INPP5A: variants seen among roughly 807,000 people sequenced by gnomAD.
INPP5A encodes inositol polyphosphate-5-phosphatase A, also known as 43 kDa inositol polyphosphate 5-phophatase.
INPP5A carries 14 observed loss-of-function variants against 65.2 expected under a neutral mutation model. The observed-to-expected ratio is 0.21, with a 90% CI of 0.14 to 0.34. The LOEUF is 0.34. Ranked by LOEUF, INPP5A falls within the 10% of genes least tolerant of loss-of-function variation. INPP5A has a pLI of 1.00. For synonymous variants in INPP5A, 207 were observed against 208.3 expected (o/e 0.99, Z 0.05); for missense variants, 431 against 545.6 (o/e 0.79, Z 2.09).
At chr10:132,556,481 C>T (rs1438148385) in intron 1 of INPP5A, among the ~76,000 whole-genome samples, 1 of 152,210 alleles carries the variant, frequency 6.6e-6, no homozygotes, top group African/African-American at 2.4e-5. Flanking sequence ...CACACTTGCA[C>T]ACCACAGGCA....
intron 9 of INPP5A, among the ~76,000 whole-genome samples, chr10:132,740,517 T>C (rs1002697849): frequency 7.2e-5 from 11 of 152,254 alleles, no homozygotes; most frequent in African/African-American, 2.7e-4. Context: ...GAGTCAGTTC[T>C]GTTTTCTAGA....
At chr10:132,718,233 G>A (rs1845781105) in intron 8 of INPP5A, among the ~76,000 whole-genome samples, 4 of 142,558 alleles carry the variant, frequency 2.8e-5, no homozygotes, top group African/African-American at 5.3e-5. Flanking sequence ...GGTTCTGTCT[G>A]GGCACCTTAG....
intron 1 of INPP5A, among the ~76,000 whole-genome samples, chr10:132,568,800 A>T (rs1326769411): frequency 2.0e-5 from 3 of 152,172 alleles, no homozygotes; most frequent in Non-Finnish European, 2.9e-5. Context: ...TTTTTGAGAC[A>T]ATTGAAGCTT....
intron 8 of INPP5A, among the ~76,000 whole-genome samples, chr10:132,712,219 A>G (rs1564977159): frequency 6.6e-6 from 1 of 151,694 alleles, no homozygotes; most frequent in African/African-American, 2.4e-5. Flanking sequence ...GCGTGTGTGC[A>G]TGCCTGAGTG....
intron 8 of INPP5A, among the ~76,000 whole-genome samples, chr10:132,718,808 A>G (rs1263186214): frequency 1.6e-3 from 141 of 89,414 alleles, no homozygotes; most frequent in South Asian, 2.3e-3. Flanking sequence ...CACCTTAGAC[A>G]GCTGTCTTGC....
intron 2 of INPP5A, among the ~76,000 whole-genome samples, chr10:132,641,104 A>G (rs925854972): frequency 9.2e-5 from 14 of 152,220 alleles, no homozygotes; most frequent in African/African-American, 3.4e-4. Context: ...AAATGGCTGT[A>G]TTCTAATTCT....
chr10:132,701,153 G>A (rs532000492), intron 6 of INPP5A, among the ~76,000 whole-genome samples: 3 of 152,332 alleles, frequency 2.0e-5, no homozygotes, highest in African/African-American at 7.2e-5. Context: ...TCTTTTAGTA[G>A]ATGAAACCGG....
intron 1 of INPP5A, among the ~76,000 whole-genome samples, chr10:132,564,103 G>T (rs942875624): frequency 6.6e-6 from 1 of 152,172 alleles, no homozygotes; most frequent in Non-Finnish European, 1.5e-5. Flanking sequence ...TCAGGAGCCT[G>T]CTGCTGCTCC....
chr10:132,730,536 G>C (rs1846065858), intron 9 of INPP5A, among the ~76,000 whole-genome samples: 1 of 152,268 alleles, frequency 6.6e-6, no homozygotes, highest in African/African-American at 2.4e-5. Flanking sequence ...GGTGTAGGAA[G>C]AGCAGCTCCT....
intron 13 of INPP5A, 39 bp from the exon 14 acceptor site, chr10:132,780,810 C>A: frequency 6.3e-7 from 1 of 1,576,562 alleles, no homozygotes; most frequent in South Asian, 1.1e-5. Flanking sequence ...CCAGGGTGCC[C>A]CACCTCCCCA....
At chr10:132,638,211 G>C (rs140763010) in intron 2 of INPP5A, among the ~76,000 whole-genome samples, 146 of 152,162 alleles carry the variant, frequency 9.6e-4, no homozygotes, top group African/African-American at 3.3e-3. Context: ...TTCTTCGTTG[G>C]TAGTGTCTCA....
intron 11 of INPP5A, among the ~76,000 whole-genome samples, chr10:132,763,814 C>T (rs998044263): frequency 9.2e-5 from 14 of 152,324 alleles, no homozygotes; most frequent in South Asian, 8.3e-4. Flanking sequence ...TGCCTGTACA[C>T]GCATAAACAC....
At chr10:132,605,628 A>G (rs1441559603) in intron 1 of INPP5A, among the ~76,000 whole-genome samples, 1 of 151,948 alleles carries the variant, frequency 6.6e-6, no homozygotes, top group Non-Finnish European at 1.5e-5. Flanking sequence ...GGAGCTTCCA[A>G]GCTGGGGTCA....
chr10:132,779,699 C>T (rs1243931737), intron 13 of INPP5A, among the ~76,000 whole-genome samples: 1 of 152,250 alleles, frequency 6.6e-6, no homozygotes, highest in Non-Finnish European at 1.5e-5. Flanking sequence ...CATGGGGCCA[C>T]CCAGTGGGCA....
At chr10:132,725,571 C>G (rs543996528) in intron 8 of INPP5A, among the ~76,000 whole-genome samples, 53 of 152,352 alleles carry the variant, frequency 3.5e-4, no homozygotes, top group African/African-American at 1.1e-3. Context: ...GGTTGGGCCC[C>G]CTGCCTCCCG....
rs1846280329 is a variant in INPP5A, at chr10:132,741,924, AGAAAGGAT to A, written c.733-7591_733-7584del. Among the ~76,000 whole-genome samples the A allele has an allele frequency of 6.6e-6, 1 of 152,194 alleles. No individual in the cohort carries two copies. Among genetic ancestry groups the A allele is most frequent in the Admixed American group, 6.5e-5 (1 of 15,284 alleles). ...TTTCCGAGATGTGGCCGTCCTCTGC[AGAAAGGAT>A]GCATACTTACAGAGAAGGCGCTCAC... On this transcript the variant is annotated intron_variant, in intron 9 of 15. Coordinates refer to ENST00000368594, the MANE Select transcript of INPP5A (RefSeq NM_005539.5). This position sits in a 1 kb window ranked among gnomAD's most constrained non-coding sequence, Gnocchi z 4.4.
rs11146414 is a variant in INPP5A at position 132,538,238 on chromosome 10, A to G, written c.75+67A>G. The G allele has an allele frequency of 0.1, 97,871 of 963,972 alleles. 5,210 individuals carry two copies. Among genetic ancestry groups the G allele is most frequent in the Non-Finnish European group, 0.11 (81,365 of 747,582 alleles). The allele number at this position is 963,972 out of a possible 1,614,324, so 59.7% of individuals were successfully genotyped here. On this transcript the variant is annotated intron_variant, in intron 1 of 15. Coordinates refer to ENST00000368594, the MANE Select transcript of INPP5A (RefSeq NM_005539.5). The surrounding 1 kb of genome is among the most constrained non-coding windows in gnomAD (Gnocchi z 4.1). ...CCCGACCCTGACCCCGGGGTCCCGA[A>G]CTGCAAGCCTTGGACCCTGGACCGT...
chr10:132,749,339 A>G (rs1224969901), intron 9 of INPP5A, among the ~76,000 whole-genome samples, 178 bp from the exon 10 acceptor site: 1 of 149,512 alleles, frequency 6.7e-6, no homozygotes. Context: ...GGCCCTTCGC[A>G]CGTGTGAGGG....
At chr10:132,737,989 C>G (rs1846207573) in intron 9 of INPP5A, among the ~76,000 whole-genome samples, 1 of 152,116 alleles carries the variant, frequency 6.6e-6, no homozygotes, top group African/African-American at 2.4e-5. Flanking sequence ...TGCCAAGAAT[C>G]TTCTCATTTT....
Sources: gnomAD v4.1 joint callset for allele counts (sites outside exome capture counted in the v4.1 genomes callset) on GRCh38, gnomAD v4.1.1 for gene constraint, Gnocchi (gnomAD v3.1) non-coding constraint, MANE v1.5 for transcripts, NCBI Gene and HGNC (gene_info 2026-07-23, HGNC 2026-07-21) for gene names.